The following PTPRG variants were observed in gnomAD, a reference collection of about 807,000 sequenced individuals.
PTPRG encodes the protein protein tyrosine phosphatase receptor type G.
In PTPRG, 102 loss-of-function variants were observed where a neutral mutation model predicts 165.3. That is an observed-to-expected ratio of 0.62 (90% CI 0.53 to 0.73). The LOEUF (loss-of-function observed/expected upper bound fraction) is 0.73. Among genes scored for constraint, PTPRG ranks in the 30% least tolerant of loss-of-function variants. The pLI is 0.00. For synonymous variants in PTPRG, 675 were observed against 669.5 expected (o/e 1.01, Z -0.13); for missense variants, 1,866 against 1,861.4 (o/e 1.00, Z -0.05).
chr3:62,282,794 G>C lies in PTPRG; in HGVS notation c.3980G>C (p.Ser1327Thr). Residue 1327 changes from serine (S) to threonine (T), a missense_variant, in exon 28 of 30, where the codon AGT (serine) becomes ACT (threonine). By Grantham distance (58) the Ser-to-Thr change is moderately conservative. Around this residue, in one of 3 missense-constraint regions of PTPRG, gnomAD observed 1,452 missense variants for 1,463.0 expected, o/e 0.99. Transcript: ENST00000474889. ...PKWPNPDAPISSTFELINVIK... is the reference protein window; with the variant it reads ...PKWPNPDAPITSTFELINVIK... ...TGGCCTAACCCAGATGCCCCCATAA[G>C]TAGTACCTTTGAACTTATCAACGTC... The C allele has an allele frequency of 6.2e-7, 1 of 1,612,676 alleles. No homozygotes were observed. The highest frequency in any genetic ancestry group is 8.5e-7 in the Non-Finnish European group (1 of 1,179,140).
At chr3:61,583,558 C>G (rs1169114799) in intron 1 of PTPRG, among the ~76,000 whole-genome samples, 1 of 152,130 alleles carries the variant, frequency 6.6e-6, no homozygotes, top group African/African-American at 2.4e-5. Flanking sequence ...TTTTAACATT[C>G]TTTGCTAATA....
At chr3:61,866,237 G>A (rs1008744580) in intron 2 of PTPRG, among the ~76,000 whole-genome samples, 3 of 152,102 alleles carry the variant, frequency 2.0e-5, no homozygotes, top group Non-Finnish European at 4.4e-5. Context: ...ATTATATTAC[G>A]CTGCATATTA....
chr3:61,934,863 C>T (rs34449143), intron 2 of PTPRG, among the ~76,000 whole-genome samples: 11,568 of 152,174 alleles, frequency 0.076, 912 homozygotes, highest in East Asian at 0.44. Context: ...GCTTATTTGT[C>T]CTGTTGTGTA....
intron 1 of PTPRG, among the ~76,000 whole-genome samples, chr3:61,688,489 G>T (rs1024445150): frequency 1.3e-5 from 2 of 152,190 alleles, no homozygotes; most frequent in African/African-American, 4.8e-5. Context: ...TGTGGCAGCA[G>T]GTCTCAAGCT....
At chr3:61,646,163 T>TG in intron 1 of PTPRG, among the ~76,000 whole-genome samples, 1 of 152,326 alleles carries the variant, frequency 6.6e-6, no homozygotes, top group East Asian at 1.9e-4. Flanking sequence ...TGGAGTGCAG[T>TG]GGCGCAGTCT....
At chr3:61,918,240 T>C (rs2038989975) in intron 2 of PTPRG, among the ~76,000 whole-genome samples, 1 of 152,138 alleles carries the variant, frequency 6.6e-6, no homozygotes. Context: ...AATGTGAAAG[T>C]GAGGCATTCT....
At chr3:61,797,719 A>T (rs2107155588) in intron 2 of PTPRG, among the ~76,000 whole-genome samples, 1 of 151,962 alleles carries the variant, frequency 6.6e-6, no homozygotes, top group South Asian at 2.1e-4. Flanking sequence ...TAGAGTTGTA[A>T]AGCCAAGTCC....
chr3:61,843,512 T>C (rs1247346234), intron 2 of PTPRG, among the ~76,000 whole-genome samples: 1 of 152,142 alleles, frequency 6.6e-6, no homozygotes, highest in Non-Finnish European at 1.5e-5. Context: ...GAAACATTCA[T>C]TGAAAAGTTT....
intron 2 of PTPRG, among the ~76,000 whole-genome samples, chr3:61,925,524 A>G (rs1157708971): frequency 1.3e-5 from 2 of 152,174 alleles, no homozygotes; most frequent in African/African-American, 4.8e-5. Context: ...TGGGCAGATC[A>G]CCTGAGGTGA....
chr3:62,103,139 T>C (rs988479083), intron 5 of PTPRG, among the ~76,000 whole-genome samples: 1 of 152,130 alleles, frequency 6.6e-6, no homozygotes, highest in African/African-American at 2.4e-5. Flanking sequence ...CTGTTCCTCA[T>C]CAAGTTTTTT....
rs147309258 is a variant in PTPRG, at chr3:62,100,603, C to CA, written c.615+22352dup. Among the ~76,000 whole-genome samples, 1,912 of 151,172 alleles carry CA rather than the reference C, an allele frequency of 0.013. 81 individuals carry two copies. In the East Asian group the frequency reaches 0.13, roughly 10 times the overall value. On this transcript the variant is annotated intron_variant, in intron 5 of 29. Coordinates refer to ENST00000474889, the MANE Select transcript of PTPRG (RefSeq NM_002841.4). Reference sequence around the variant, plus strand: ...GCTTTCCAATCATAAGCCAAAAAAACAAAAAAACAAAAACAAGAAGCACAC... The same window carrying CA: ...GCTTTCCAATCATAAGCCAAAAAAACAAAAAAAACAAAAACAAGAAGCACAC...
chr3:61,627,889 A>G (rs568839268), intron 1 of PTPRG, among the ~76,000 whole-genome samples: 3 of 152,318 alleles, frequency 2.0e-5, no homozygotes, highest in African/African-American at 7.2e-5. Flanking sequence ...GGTGTGGTTT[A>G]ATGTTTTGCA....
intron 7 of PTPRG, among the ~76,000 whole-genome samples, chr3:62,160,198 G>C (rs200402147): frequency 2.0e-5 from 3 of 152,132 alleles, no homozygotes; most frequent in Admixed American, 2.0e-4. Flanking sequence ...GAAATATAAC[G>C]GTTAGCACAA....
In PTPRG at chr3:61,931,370, T is replaced by C. The variant is rs185269348; in HGVS notation, c.191-58255T>C. Among the ~76,000 whole-genome samples the C allele has an allele frequency of 3.0e-4, 45 of 152,332 alleles. No individual in the cohort carries two copies. The East Asian group carries it at 6.0e-3, about 20-fold the overall frequency. The stretch of plus-strand genomic sequence containing the variant: ...TTTTCTGGAATCCTGCTTGATGATA[T>C]TTGGTAAATAGAATAATGTTGGCAC... On this transcript the variant is annotated intron_variant, in intron 2 of 29. Transcript: ENST00000474889.
intron 5 of PTPRG, among the ~76,000 whole-genome samples, chr3:62,081,030 G>A (rs1701553028): frequency 6.6e-6 from 1 of 151,894 alleles, no homozygotes; most frequent in Admixed American, 6.6e-5. Context: ...GGCCGAGGCG[G>A]GCGGATCACT....
intron 2 of PTPRG, among the ~76,000 whole-genome samples, chr3:61,958,707 T>G (rs999916464): frequency 2.6e-5 from 4 of 152,226 alleles, no homozygotes; most frequent in African/African-American, 9.6e-5. Context: ...GAATCTTATC[T>G]ATCTTTGCTT....
Position 62,294,655 on chromosome 3 carries a change from A to T in PTPRG, c.*1348A>T, listed in dbSNP as rs1311649921. On this transcript the variant is annotated 3_prime_UTR_variant, in exon 30 of 30. Coordinates refer to ENST00000474889, the MANE Select transcript of PTPRG (RefSeq NM_002841.4). ...GCATAATGGGAAAATTAGGAGCATT[A>T]ATAAGAAATTTCAGTAGTGTTTGTA... is the stretch of plus-strand genomic sequence containing the variant. 6.6e-6 allele frequency: 1 copy of T among 152,142 alleles called. No individual in the cohort carries two copies. The highest frequency in any genetic ancestry group is 1.5e-5 in the Non-Finnish European group (1 of 68,016). The allele number at this position is 152,142 out of a possible 1,614,324, so 9.4% of individuals were successfully genotyped here.
At chr3:61,645,999 A>G (rs931479092) in intron 1 of PTPRG, among the ~76,000 whole-genome samples, 6 of 152,236 alleles carry the variant, frequency 3.9e-5, no homozygotes, top group African/African-American at 4.8e-5. Context: ...TGCAGAGGCC[A>G]TAAAATCTTA....
intron 1 of PTPRG, among the ~76,000 whole-genome samples, chr3:61,704,291 G>A (rs1353563715): frequency 6.6e-6 from 1 of 152,178 alleles, no homozygotes; most frequent in Non-Finnish European, 1.5e-5. Context: ...GATTGTTGGA[G>A]CTTTAAATGA....
Sources: allele counts gnomAD v4.1 joint callset (sites outside exome capture counted in the v4.1 genomes callset), GRCh38; gene constraint gnomAD v4.1.1; regional missense constraint gnomAD v4.1.1; transcripts MANE v1.5; gene names NCBI Gene and HGNC (gene_info 2026-07-23, HGNC 2026-07-21).